CTNND2: variants seen among roughly 807,000 people sequenced by gnomAD.
The protein encoded by CTNND2 is catenin delta 2.
Under a neutral mutation model 144.4 loss-of-function variants are expected in CTNND2, and 22 were observed. That is an observed-to-expected ratio of 0.15 (90% CI 0.11 to 0.22). CTNND2 has a LOEUF of 0.22. CTNND2 is among the 10% of genes least tolerant of loss of function. CTNND2 has a pLI of 1.00. For synonymous variants in CTNND2, 751 were observed against 695.6 expected (o/e 1.08, Z -1.25); for missense variants, 1,353 against 1,618.8 (o/e 0.84, Z 2.82).
At chr5:11,831,623 C>T (rs532156930) in intron 1 of CTNND2, among the ~76,000 whole-genome samples, 9 of 149,750 alleles carry the variant, frequency 6.0e-5, no homozygotes, top group Non-Finnish European at 7.4e-5. Context: ...GCCGAGATTG[C>T]GCCACTGCAC....
intron 1 of CTNND2, among the ~76,000 whole-genome samples, chr5:11,797,087 G>T (rs1353546422): frequency 6.6e-6 from 1 of 152,140 alleles, no homozygotes; most frequent in African/African-American, 2.4e-5. Flanking sequence ...CCCGAAAATG[G>T]CAAAATTAAC....
chr5:11,799,958 G>C (rs1449730508), intron 1 of CTNND2, among the ~76,000 whole-genome samples: 2 of 152,116 alleles, frequency 1.3e-5, no homozygotes, highest in Non-Finnish European at 2.9e-5. Context: ...AGAAGGAATT[G>C]ACTAGGGTGG....
rs906216374 is a variant in CTNND2 at position 11,320,602 on chromosome 5, A to C, written c.1628+25770T>G. On this transcript the variant is annotated intron_variant, in intron 9 of 21. Transcript: ENST00000304623. ...GTGGGGGCCTCACAACCATGGTGGA[A>C]GGCAAGGAAGAGCAAGTCACATCTT... Among the ~76,000 whole-genome samples the C allele has an allele frequency of 2.6e-5, 4 of 152,232 alleles. No individual in the cohort carries two copies. The East Asian group carries it at 7.7e-4, about 29-fold the overall frequency.
chr5:11,528,977 C>T (rs1443601773), intron 3 of CTNND2, among the ~76,000 whole-genome samples: 1 of 152,120 alleles, frequency 6.6e-6, no homozygotes, highest in African/African-American at 2.4e-5. Flanking sequence ...CAGAGGCCGG[C>T]GTTGACAGGT....
chr5:11,433,133 C>T (rs902178528), intron 3 of CTNND2, among the ~76,000 whole-genome samples: 4 of 152,124 alleles, frequency 2.6e-5, no homozygotes, highest in East Asian at 3.9e-4. Flanking sequence ...GTAGTCCCAG[C>T]TACTTGGGAG....
chr5:11,596,499 A>G (rs1324391385), intron 2 of CTNND2, among the ~76,000 whole-genome samples: 1 of 152,228 alleles, frequency 6.6e-6, no homozygotes, highest in Non-Finnish European at 1.5e-5. Context: ...CTAAGGCACT[A>G]GCCAAAGAGA....
chr5:11,282,942 T>C (rs939060169), intron 9 of CTNND2, among the ~76,000 whole-genome samples: 2 of 152,212 alleles, frequency 1.3e-5, no homozygotes, highest in Non-Finnish European at 2.9e-5. Context: ...CTTGCCTCGT[T>C]CTAGCACTCC....
At chr5:11,833,738 G>T (rs1794029014) in intron 1 of CTNND2, among the ~76,000 whole-genome samples, 1 of 152,060 alleles carries the variant, frequency 6.6e-6, no homozygotes, top group South Asian at 2.1e-4. Context: ...TGGCCAGGCT[G>T]GTCTTGAACT....
intron 5 of CTNND2, among the ~76,000 whole-genome samples, chr5:11,409,666 C>T (rs1761359361): frequency 6.6e-6 from 1 of 151,962 alleles, no homozygotes; most frequent in African/African-American, 2.4e-5. Context: ...CATCTTTGGC[C>T]CTGCTAAGTG....
intron 10 of CTNND2, among the ~76,000 whole-genome samples, chr5:11,210,160 G>A (rs1470944912): frequency 6.6e-6 from 1 of 152,014 alleles, no homozygotes; most frequent in East Asian, 1.9e-4. Flanking sequence ...ACTTTGGGAG[G>A]CCAAGATGTG....
intron 10 of CTNND2, among the ~76,000 whole-genome samples, chr5:11,207,939 T>G (rs1738223421): frequency 6.6e-6 from 1 of 152,206 alleles, no homozygotes; most frequent in South Asian, 2.1e-4. Context: ...AGACTCAGAT[T>G]ATCAAGATTG....
intron 1 of CTNND2, among the ~76,000 whole-genome samples, chr5:11,862,632 CA>C (rs1302762323): frequency 6.6e-6 from 1 of 152,168 alleles, no homozygotes; most frequent in African/African-American, 2.4e-5. Flanking sequence ...CAAAAAATAA[CA>C]ATCATATTAC....
intron 1 of CTNND2, among the ~76,000 whole-genome samples, chr5:11,896,754 G>A (rs1737425731): frequency 6.6e-6 from 1 of 152,088 alleles, no homozygotes. Context: ...GTGGGTATGT[G>A]TGCTGGGTAT....
intron 9 of CTNND2, among the ~76,000 whole-genome samples, chr5:11,248,166 A>T (rs1317931922): frequency 6.6e-6 from 1 of 152,152 alleles, no homozygotes; most frequent in Non-Finnish European, 1.5e-5. Context: ...TGTAAATAAG[A>T]GGGAAGGGAT....
At chr5:11,273,601 C>A (rs533876149) in intron 9 of CTNND2, among the ~76,000 whole-genome samples, 1 of 152,252 alleles carries the variant, frequency 6.6e-6, no homozygotes, top group East Asian at 1.9e-4. Context: ...ATCATGGGAC[C>A]GTGTGCAGCT....
chr5:11,602,480 C>T (rs1047576217), intron 2 of CTNND2, among the ~76,000 whole-genome samples: 10 of 151,700 alleles, frequency 6.6e-5, no homozygotes, highest in African/African-American at 2.2e-4. Context: ...AAGGGCACTG[C>T]CCTTTGGCCA....
chr5:11,326,877 G>A (rs1303191804), intron 9 of CTNND2, among the ~76,000 whole-genome samples: 2 of 152,160 alleles, frequency 1.3e-5, no homozygotes, highest in East Asian at 3.9e-4. Flanking sequence ...GCACAGCTGG[G>A]ATTCTGCATT....
At chr5:11,086,636 T>C (rs142703001) in intron 15 of CTNND2, among the ~76,000 whole-genome samples, 4 of 152,344 alleles carry the variant, frequency 2.6e-5, no homozygotes, top group African/African-American at 4.8e-5. Flanking sequence ...TTGTGTCCCA[T>C]GAAATTCCTA....
At chr5:11,395,006 T>C (rs923392794) in intron 6 of CTNND2, among the ~76,000 whole-genome samples, 1 of 152,240 alleles carries the variant, frequency 6.6e-6, no homozygotes, top group African/African-American at 2.4e-5. Flanking sequence ...CTTGTGGCAA[T>C]TTATTATTAC....
Sources: gnomAD v4.1 joint callset for allele counts (sites outside exome capture counted in the v4.1 genomes callset) on GRCh38, gnomAD v4.1.1 for gene constraint, MANE v1.5 for transcripts, NCBI Gene and HGNC (gene_info 2026-07-23, HGNC 2026-07-21) for gene names.